SPARCL1: variants seen among roughly 807,000 people sequenced by gnomAD.
SPARCL1 encodes the protein SPARC like 1.
In SPARCL1, 52 loss-of-function variants were observed where a neutral mutation model predicts 67.1. The ratio of observed to expected loss-of-function variants is 0.78; its 90% CI spans 0.62 to 0.98. The LOEUF is 0.98. SPARCL1 is among the 50% of genes least tolerant of loss of function. The probability of loss-of-function intolerance (pLI) is 0.00; values close to 1 mark genes in which losing one functional copy is unlikely to be tolerated. For synonymous variants in SPARCL1, 226 were observed against 267.8 expected (o/e 0.84, Z 1.52); for missense variants, 717 against 782.4 (o/e 0.92, Z 1.00).
chr4:87,520,395 C>A (rs1725762052), intron 1 of SPARCL1, among the ~76,000 whole-genome samples: 1 of 151,982 alleles, frequency 6.6e-6, no homozygotes, highest in Non-Finnish European at 1.5e-5. Context: ...TGGGAGGGAG[C>A]AAGTGTTGGC....
rs35089335 is a variant in SPARCL1 at position 87,483,083 on chromosome 4, GTT to G, written c.1532-525_1532-524del. On this transcript the variant is annotated intron_variant, in intron 7 of 10. Transcript: ENST00000282470. Reference sequence around the variant, plus strand: ...CTCCCCAGAGCTCAGGATCACTGCCGTTTTTTTTTTTTTTTAATTATACTTTA... The same window carrying G: ...CTCCCCAGAGCTCAGGATCACTGCCGTTTTTTTTTTTTTAATTATACTTTA... 6.1e-3 allele frequency among the ~76,000 whole-genome samples: 876 copies of G among 143,984 alleles called. 6 individuals are homozygous for G. The highest frequency in any genetic ancestry group is 0.02 in the African/African-American group (794 of 39,268). The allele number at this position is 143,984 out of a possible 152,430, so 94.5% of individuals were successfully genotyped here. A position where few individuals can be genotyped will look rare whatever the true frequency, so the allele number is the denominator to read the frequency against.
intron 1 of SPARCL1, among the ~76,000 whole-genome samples, chr4:87,506,071 T>A (rs1300984694): frequency 1.3e-5 from 2 of 151,994 alleles, no homozygotes; most frequent in Non-Finnish European, 2.9e-5. Context: ...CGAGCCCCCA[T>A]CCCCCACCAG....
chr4:87,509,806 T>C (rs894078880), intron 1 of SPARCL1, among the ~76,000 whole-genome samples: 7 of 152,120 alleles, frequency 4.6e-5, no homozygotes, highest in Admixed American at 4.6e-4. Context: ...TGTATGTCTG[T>C]GTGTGTGCAC....
intron 10 of SPARCL1, among the ~76,000 whole-genome samples, chr4:87,478,872 A>C (rs1723689773): frequency 6.6e-6 from 1 of 152,234 alleles, no homozygotes; most frequent in East Asian, 1.9e-4. Flanking sequence ...GCAGGAGTAA[A>C]GAAAGAATAC....
intron 1 of SPARCL1, among the ~76,000 whole-genome samples, chr4:87,505,346 G>A (rs7688567): frequency 0.51 from 77,627 of 151,804 alleles, 21,708 homozygotes; most frequent in East Asian, 0.75. Flanking sequence ...TTTTATATAT[G>A]GTAATTCATG....
At chr4:87,489,353 G>A (rs567685275) in intron 7 of SPARCL1, among the ~76,000 whole-genome samples, 17 of 152,240 alleles carry the variant, frequency 1.1e-4, no homozygotes, top group Admixed American at 3.3e-4. Flanking sequence ...AGAGTTTCCC[G>A]ATCCCTTGCA....
At chr4:87,494,712 T>C (rs1346262648) in intron 3 of SPARCL1, 114 bp from the exon 4 acceptor site, 8 of 959,020 alleles carry the variant, frequency 8.3e-6, no homozygotes, top group East Asian at 2.6e-5. Flanking sequence ...CATGTAAACA[T>C]GTTTATAATA....
At chr4:87,474,426 T>A (rs1723478774) in intron 10 of SPARCL1, among the ~76,000 whole-genome samples, 1 of 152,046 alleles carries the variant, frequency 6.6e-6, no homozygotes, top group Non-Finnish European at 1.5e-5. Flanking sequence ...ACTGGCTTCA[T>A]ATGTAAAATG....
At chr4:87,491,728 G>A (rs762166612) in intron 4 of SPARCL1, 38 bp from the exon 5 acceptor site, 23 of 1,366,168 alleles carry the variant, frequency 1.7e-5, no homozygotes, top group Non-Finnish European at 2.4e-5. Flanking sequence ...AATCTACTAA[G>A]AGGAGAGCCA....
chr4:87,515,820 C>G (rs534124586), intron 1 of SPARCL1, among the ~76,000 whole-genome samples: 16 of 152,312 alleles, frequency 1.1e-4, no homozygotes, highest in African/African-American at 3.8e-4. Flanking sequence ...CAAACACCCA[C>G]AAATGTCAAC....
intron 4 of SPARCL1, among the ~76,000 whole-genome samples, chr4:87,492,566 C>A (rs182674251): frequency 6.6e-6 from 1 of 152,156 alleles, no homozygotes; most frequent in Admixed American, 6.5e-5. Context: ...CTTGGAGTCT[C>A]CTCTTTGGAT....
intron 1 of SPARCL1, among the ~76,000 whole-genome samples, chr4:87,501,560 A>G (rs763396769): frequency 7.9e-5 from 12 of 151,914 alleles, no homozygotes; most frequent in Non-Finnish European, 1.6e-4. Context: ...TATAATTTCC[A>G]GTGTTGCTAG....
At chr4:87,482,837 T>C (rs1375042758) in intron 7 of SPARCL1, among the ~76,000 whole-genome samples, 2 of 152,140 alleles carry the variant, frequency 1.3e-5, no homozygotes, top group Non-Finnish European at 2.9e-5. Context: ...CAAGATCTAT[T>C]TGGATGTGCA....
At chr4:87,474,091 G>T (rs1188729278) in intron 10 of SPARCL1, among the ~76,000 whole-genome samples, 1 of 152,204 alleles carries the variant, frequency 6.6e-6, no homozygotes, top group African/African-American at 2.4e-5. Context: ...ACTGATAGAG[G>T]AAGAGCAGGT....
chr4:87,501,348 T>A (rs1487146510), intron 1 of SPARCL1, among the ~76,000 whole-genome samples: 1 of 152,154 alleles, frequency 6.6e-6, no homozygotes, highest in East Asian at 1.9e-4. Flanking sequence ...TCTTTCTTAG[T>A]TTTCTCCCTC....
At position 87,482,614 on chromosome 4, in the gene SPARCL1, C is replaced by G. The variant is rs1723876366; in HGVS notation, c.1532-54G>C. ...CTTTGGGCTTATTTGTGTCCTATGG[C>G]AAGTCCTCATAATAGGAAGCTTAAC... On this transcript the variant is annotated intron_variant, in intron 7 of 10. Transcript: ENST00000282470. 8 of 1,599,512 alleles carry G rather than the reference C, an allele frequency of 5.0e-6. No individual in the cohort carries two copies. In the South Asian group the frequency reaches 8.9e-5, roughly 18 times the overall value.
rs995380184 is a variant in SPARCL1 at position 87,520,328 on chromosome 4, T to G, written c.-12+8717A>C. Among the ~76,000 whole-genome samples, 35 of 151,808 alleles carry G rather than the reference T, an allele frequency of 2.3e-4. 1 individual carries two copies. The highest frequency in any genetic ancestry group is 2.2e-3 in the Admixed American group (33 of 15,222). On this transcript the variant is annotated intron_variant, in intron 1 of 10. Transcript: ENST00000282470. ...AATAATTCACTAATTTATTTATCAT[T>G]TAACATGGCATTCCAAGTTCAATAA...
chr4:87,524,226 A>T (rs1048723771), intron 1 of SPARCL1, among the ~76,000 whole-genome samples: 1 of 151,526 alleles, frequency 6.6e-6, no homozygotes, highest in East Asian at 1.9e-4. Context: ...GTAAAAAGTC[A>T]CAATTCTTTT....
At chr4:87,520,425 A>G (rs1024593638) in intron 1 of SPARCL1, among the ~76,000 whole-genome samples, 2 of 152,128 alleles carry the variant, frequency 1.3e-5, no homozygotes, top group East Asian at 3.8e-4. Context: ...GCTTTGCCTG[A>G]CTAATGGATC....
Sources: gnomAD v4.1 joint callset for allele counts (sites outside exome capture counted in the v4.1 genomes callset) on GRCh38, gnomAD v4.1.1 for gene constraint, MANE v1.5 for transcripts, NCBI Gene and HGNC (gene_info 2026-07-23, HGNC 2026-07-21) for gene names.